Variants in SPIN1 observed in about 807,000 individuals in gnomAD.
The protein encoded by SPIN1 is spindlin 1.
SPIN1 carries 3 observed loss-of-function variants against 26.0 expected under a neutral mutation model. The ratio of observed to expected loss-of-function variants is 0.12; its 90% CI spans 0.05 to 0.30. The LOEUF is 0.30. Among genes scored for constraint, SPIN1 ranks in the 10% least tolerant of loss-of-function variants. SPIN1 has a pLI of 1.00. For missense variants in SPIN1, 126 were observed against 333.4 expected (o/e 0.38, Z 4.84); for synonymous variants, 101 against 116.5 (o/e 0.87, Z 0.86).
At chr9:88,388,921 C>T (rs1390417888) in intron 1 of SPIN1, among the ~76,000 whole-genome samples, 3 of 150,392 alleles carry the variant, frequency 2.0e-5, no homozygotes, top group Non-Finnish European at 4.4e-5. Flanking sequence ...GGCGGCGCTG[C>T]GCAGTCGGGC....
intron 2 of SPIN1, among the ~76,000 whole-genome samples, chr9:88,441,468 A>AC (rs75081618): frequency 6.7e-6 from 1 of 149,232 alleles, no homozygotes; most frequent in African/African-American, 2.6e-5. Flanking sequence ...ATTAAGAAAA[A>AC]AGGCCAGGCC....
chr9:88,438,992 A>G (rs540743886), intron 2 of SPIN1, among the ~76,000 whole-genome samples: 15 of 152,270 alleles, frequency 9.9e-5, no homozygotes, highest in African/African-American at 3.4e-4. Context: ...TTAAAAAACC[A>G]TCCAGTAGAA....
intron 4 of SPIN1, among the ~76,000 whole-genome samples, chr9:88,463,362 C>T (rs556234197): frequency 1.3e-3 from 199 of 152,126 alleles, no homozygotes; most frequent in Middle Eastern, 3.4e-3. Flanking sequence ...TGGGATACAC[C>T]CAAACTAATA....
intron 2 of SPIN1, among the ~76,000 whole-genome samples, chr9:88,437,395 G>A (rs1211374474): frequency 6.6e-6 from 1 of 151,976 alleles, no homozygotes; most frequent in Non-Finnish European, 1.5e-5. Context: ...CCACTCGGGA[G>A]GTTGAGGCGG....
intron 1 of SPIN1, among the ~76,000 whole-genome samples, chr9:88,399,162 G>C (rs1394130966): frequency 1.3e-5 from 2 of 151,544 alleles, no homozygotes; most frequent in Non-Finnish European, 2.9e-5. Context: ...CTCCCGAGTA[G>C]CTGGGACTAC....
In SPIN1 at chr9:88,477,906, C is replaced by T. The variant is rs1160476940; in HGVS notation, c.*2629C>T. 1 of 152,166 alleles carries T rather than the reference C, an allele frequency of 6.6e-6. No homozygotes were observed. The highest frequency in any genetic ancestry group is 1.5e-5 in the Non-Finnish European group (1 of 68,036). 9.4% of individuals were successfully genotyped at this position (152,166 alleles called of 1,614,324 possible). On this transcript the variant is annotated 3_prime_UTR_variant, in exon 6 of 6. Coordinates refer to ENST00000375859, the MANE Select transcript of SPIN1 (RefSeq NM_006717.3). ...TCAGAGAAAAATCTTAAAAGCAGACCATCCTTTTTTGCATGCTCTATTCTA... is the reference window on the plus strand; with the variant it reads ...TCAGAGAAAAATCTTAAAAGCAGACTATCCTTTTTTGCATGCTCTATTCTA...
At position 88,478,285 on chromosome 9, in the gene SPIN1, A is replaced by C. The variant is rs1180899132; in HGVS notation, c.*3008A>C. On this transcript the variant is annotated 3_prime_UTR_variant, in exon 6 of 6. Coordinates refer to ENST00000375859, the MANE Select transcript of SPIN1 (RefSeq NM_006717.3). ...TTAGAAGACTGTTCCGATTGTTACAAATTGTAGTGCCTGAAAACACTCTTA... is the reference window on the plus strand; with the variant it reads ...TTAGAAGACTGTTCCGATTGTTACACATTGTAGTGCCTGAAAACACTCTTA... 3 of 152,678 alleles carry C rather than the reference A, an allele frequency of 2.0e-5. No homozygotes were observed. The South Asian group carries it at 6.2e-4, about 32-fold the overall frequency. 9.5% of individuals were successfully genotyped at this position (152,678 alleles called of 1,614,324 possible). A position where few individuals can be genotyped will look rare whatever the true frequency, so the allele number is the denominator to read the frequency against.
intron 1 of SPIN1, chr9:88,411,384 C>T (rs543646195): frequency 1.4e-5 from 22 of 1,592,574 alleles, no homozygotes; most frequent in Admixed American, 1.3e-4. Flanking sequence ...AGGCTCTCAT[C>T]GGTTGTTTCA....
intron 2 of SPIN1, among the ~76,000 whole-genome samples, chr9:88,438,766 T>G (rs1348134108): frequency 2.0e-5 from 3 of 152,276 alleles, no homozygotes; most frequent in African/African-American, 7.2e-5. Flanking sequence ...ACTTTTTGAG[T>G]AACTCACGTG....
At chr9:88,464,259 A>G (rs1348603995) in intron 4 of SPIN1, among the ~76,000 whole-genome samples, 2 of 152,230 alleles carry the variant, frequency 1.3e-5, no homozygotes, top group African/African-American at 4.8e-5. Context: ...TGCAAAAGTA[A>G]TTGCGGTTTT....
chr9:88,426,728 A>G (rs753991864), intron 2 of SPIN1, 137 bp downstream of exon 2: 4 of 582,112 alleles, frequency 6.9e-6, no homozygotes, highest in Non-Finnish European at 1.2e-5. Flanking sequence ...ACATATGCAT[A>G]TATTAAGAAG....
chr9:88,445,393 A>G (rs927989134), intron 2 of SPIN1, among the ~76,000 whole-genome samples: 4 of 152,008 alleles, frequency 2.6e-5, no homozygotes, highest in African/African-American at 7.3e-5. Context: ...CTCAGTGCGT[A>G]TGAACATGCT....
chr9:88,418,708 A>G (rs997485039), intron 1 of SPIN1: 6 of 152,208 alleles, frequency 3.9e-5, no homozygotes, highest in Admixed American at 2.6e-4. Flanking sequence ...TTTGGAGACA[A>G]TACATTGTCA....
At chr9:88,399,832 C>G (rs1827149001) in intron 1 of SPIN1, among the ~76,000 whole-genome samples, 1 of 152,178 alleles carries the variant, frequency 6.6e-6, no homozygotes, top group South Asian at 2.1e-4. Flanking sequence ...TCAGCTCAGG[C>G]TTTTAAATTT....
At chr9:88,422,958 C>G (rs1040229635) in intron 1 of SPIN1, among the ~76,000 whole-genome samples, 2 of 152,040 alleles carry the variant, frequency 1.3e-5, no homozygotes, top group Admixed American at 6.6e-5. Context: ...GATCGTCCAC[C>G]TCGGCCTCCC....
intron 5 of SPIN1, among the ~76,000 whole-genome samples, chr9:88,470,781 A>T (rs1828767608): frequency 6.6e-6 from 1 of 151,990 alleles, no homozygotes; most frequent in South Asian, 2.1e-4. Flanking sequence ...TTTAGTGGAG[A>T]TGGGGTTTCA....
chr9:88,457,986 T>A (rs1274402948), intron 3 of SPIN1: 1 of 985,166 alleles, frequency 1.0e-6, no homozygotes, highest in Non-Finnish European at 1.2e-6. Context: ...GTTTTTCTTT[T>A]ACTAAGGATT....
intron 5 of SPIN1, among the ~76,000 whole-genome samples, chr9:88,469,223 A>T (rs1435483391): frequency 1.3e-5 from 2 of 152,196 alleles, no homozygotes; most frequent in Admixed American, 1.3e-4. Context: ...TGCTCCTGTG[A>T]GAATCTGATG....
chr9:88,470,354 A>G (rs1272763162), intron 5 of SPIN1, among the ~76,000 whole-genome samples: 1 of 152,146 alleles, frequency 6.6e-6, no homozygotes, highest in Non-Finnish European at 1.5e-5. Context: ...CTGGGTCATA[A>G]TGGTAACTCT....
Sources: allele counts gnomAD v4.1 joint callset (sites outside exome capture counted in the v4.1 genomes callset), GRCh38; gene constraint gnomAD v4.1.1; transcripts MANE v1.5; gene names NCBI Gene and HGNC (gene_info 2026-07-23, HGNC 2026-07-21).